The following SUPT3H variants were observed in gnomAD, a reference collection of about 807,000 sequenced individuals.
The protein encoded by SUPT3H is transcription initiation protein SPT3 homolog.
Under a neutral mutation model 44.3 loss-of-function variants are expected in SUPT3H, and 44 were observed. The observed-to-expected ratio is 0.99, with a 90% CI of 0.78 to 1.28. The LOEUF (loss-of-function observed/expected upper bound fraction) is 1.28, where lower values mean the gene tolerates loss of function less well. SUPT3H is among the 50% of genes most tolerant of loss of function. The probability of loss-of-function intolerance (pLI) is 0.00; values close to 1 mark genes in which losing one functional copy is unlikely to be tolerated. For missense variants in SUPT3H, 380 were observed against 387.1 expected, an observed-to-expected ratio of 0.98 and a Z score of 0.15; for synonymous variants, 124 against 125.6, an observed-to-expected ratio of 0.99 and a Z score of 0.09.
At chr6:45,207,805 A>T (rs1391208993) in intron 2 of SUPT3H, among the ~76,000 whole-genome samples, 2 of 152,086 alleles carry the variant, frequency 1.3e-5, no homozygotes, top group African/African-American at 4.8e-5. Flanking sequence ...CTACTCTACC[A>T]CCTGGCTATT....
At chr6:45,328,262 C>T in intron 2 of SUPT3H, 2 of 1,346,984 alleles carry the variant, frequency 1.5e-6, no homozygotes, top group Admixed American at 2.0e-5. Flanking sequence ...TTCTGCCTCT[C>T]CAGTAATAGT....
At chr6:45,162,656 G>T (rs1809204873) in intron 2 of SUPT3H, among the ~76,000 whole-genome samples, 1 of 152,184 alleles carries the variant, frequency 6.6e-6, no homozygotes, top group African/African-American at 2.4e-5. Flanking sequence ...TAACCTTAAA[G>T]TGTTTACAAC....
At chr6:44,919,756 A>G (rs890657405) in intron 10 of SUPT3H, among the ~76,000 whole-genome samples, 11 of 152,180 alleles carry the variant, frequency 7.2e-5, no homozygotes, top group Admixed American at 2.6e-4. Context: ...GTCTCACGCC[A>G]TTGCCTCAGA....
intron 2 of SUPT3H, among the ~76,000 whole-genome samples, chr6:45,123,479 T>A (rs1357543985): frequency 6.6e-6 from 1 of 151,736 alleles, no homozygotes; most frequent in Non-Finnish European, 1.5e-5. Context: ...TCTCAAGTGA[T>A]CCTCCCACCT....
At chr6:45,273,238 C>A (rs1184989788) in intron 2 of SUPT3H, among the ~76,000 whole-genome samples, 1 of 152,196 alleles carries the variant, frequency 6.6e-6, no homozygotes, top group Non-Finnish European at 1.5e-5. Flanking sequence ...AAACAAGATA[C>A]ATTTTTTCCT....
At chr6:44,996,323 T>C (rs962357309) in intron 6 of SUPT3H, among the ~76,000 whole-genome samples, 8 of 151,878 alleles carry the variant, frequency 5.3e-5, no homozygotes, top group African/African-American at 1.9e-4. Context: ...TTGTTTTTCA[T>C]ATCCTTTGCC....
chr6:44,997,798 TAGA>T lies in SUPT3H; in HGVS notation c.504+5852_504+5854del, dbSNP rs570052856. Among the ~76,000 whole-genome samples the T allele has an allele frequency of 2.6e-4, 40 of 151,956 alleles. No individual in the cohort carries two copies. In the South Asian group the frequency reaches 3.9e-3, roughly 15 times the overall value. On this transcript the variant is annotated intron_variant, in intron 6 of 10. Transcript: ENST00000371459. ...AAGTGAGATATTTTTTATCATGAAGTAGAAGGACTTTTCTATATCTAGTTTATT... is the reference window on the plus strand; with the variant it reads ...AAGTGAGATATTTTTTATCATGAAGTAGGACTTTTCTATATCTAGTTTATT...
In SUPT3H at chr6:45,020,613, A is replaced by C; in HGVS notation, c.206T>G (p.Val69Gly). The C allele has an allele frequency of 6.2e-7, 1 of 1,610,674 alleles. No homozygotes were observed. The highest frequency in any genetic ancestry group is 8.5e-7 in the Non-Finnish European group (1 of 1,177,964). ...TACCCTTGCTCCCCGCAGCTGAGAA[A>C]CTTCAGCAGCTTGCTGTAACTAACA... ...LINLLQQAAE[V>G]SQLRGARVIT... Residue 69 changes from valine to glycine, a missense_variant, in exon 4 of 11, where the codon GTT (valine) becomes GGT (glycine). Transcript: ENST00000371459.
intron 10 of SUPT3H, among the ~76,000 whole-genome samples, chr6:44,887,800 A>C (rs1486588316): frequency 1.3e-5 from 2 of 151,772 alleles, no homozygotes; most frequent in East Asian, 3.9e-4. Context: ...GAGACACAAA[A>C]AACCCTTCAA....
chr6:45,069,648 T>G (rs9472434), intron 3 of SUPT3H, among the ~76,000 whole-genome samples: 25,801 of 151,960 alleles, frequency 0.17, 3,365 homozygotes, highest in African/African-American at 0.36. Context: ...AAAGATTAAC[T>G]GCTTAAGCAT....
chr6:45,225,498 G>A (rs1002241216), intron 2 of SUPT3H, among the ~76,000 whole-genome samples: 1 of 152,038 alleles, frequency 6.6e-6, no homozygotes, highest in African/African-American at 2.4e-5. Context: ...ATTGGCCCCA[G>A]CTAAATCTAT....
intron 2 of SUPT3H, among the ~76,000 whole-genome samples, chr6:45,175,024 A>G (rs1365657483): frequency 7.3e-5 from 11 of 150,844 alleles, no homozygotes; most frequent in Non-Finnish European, 1.5e-4. Context: ...AAAAAAAAAA[A>G]AAAAAAAAAA....
intron 3 of SUPT3H, among the ~76,000 whole-genome samples, chr6:45,085,942 C>T (rs1796419789): frequency 6.6e-6 from 1 of 152,008 alleles, no homozygotes; most frequent in African/African-American, 2.4e-5. Context: ...TTATTTAAAA[C>T]AACTCAATTA....
At chr6:45,256,047 T>C (rs9369551) in intron 2 of SUPT3H, among the ~76,000 whole-genome samples, 94,291 of 151,626 alleles carry the variant, frequency 0.62, 30,005 homozygotes, top group African/African-American at 0.77. Context: ...TGCGGGTGCC[T>C]GTAGTTCCAG....
chr6:45,015,494 C>A (rs1784110454), intron 4 of SUPT3H, among the ~76,000 whole-genome samples: 1 of 152,044 alleles, frequency 6.6e-6, no homozygotes. Flanking sequence ...GACATTACTG[C>A]ATGCTATTGC....
intron 10 of SUPT3H, among the ~76,000 whole-genome samples, chr6:44,916,036 T>G (rs555083225): frequency 1.3e-5 from 2 of 152,242 alleles, no homozygotes. Context: ...GTGTTATTGC[T>G]GAACAATTTT....
intron 10 of SUPT3H, among the ~76,000 whole-genome samples, chr6:44,831,494 A>G (rs1768732654): frequency 6.6e-6 from 1 of 152,196 alleles, no homozygotes; most frequent in Admixed American, 6.5e-5. Flanking sequence ...TCAGTCTGTG[A>G]AACAAACAGC....
At chr6:44,840,572 C>T (rs1362687067) in intron 10 of SUPT3H, among the ~76,000 whole-genome samples, 5 of 152,296 alleles carry the variant, frequency 3.3e-5, no homozygotes, top group Admixed American at 6.5e-5. Flanking sequence ...AACTCCTACT[C>T]GGGTGTGAAC....
At chr6:44,881,532 G>C (rs111676322) in intron 10 of SUPT3H, among the ~76,000 whole-genome samples, 1 of 152,146 alleles carries the variant, frequency 6.6e-6, no homozygotes, top group Non-Finnish European at 1.5e-5. Flanking sequence ...TCTGGACCAA[G>C]TGGACCTAAT....
Sources: allele counts gnomAD v4.1 joint callset (sites outside exome capture counted in the v4.1 genomes callset), GRCh38; gene constraint gnomAD v4.1.1; transcripts MANE v1.5; gene names NCBI Gene and HGNC (gene_info 2026-07-23, HGNC 2026-07-21).